Variants in GINS4 observed in about 807,000 individuals in gnomAD.
The protein encoded by GINS4 is GINS complex subunit 4, also known as DNA replication complex GINS protein SLD5.
In GINS4, 20 loss-of-function variants were observed where a neutral mutation model predicts 31.1. The ratio of observed to expected loss-of-function variants is 0.64; its 90% CI spans 0.45 to 0.93. GINS4 has a LOEUF of 0.93. GINS4 is among the 40% of genes least tolerant of loss of function. The pLI, the probability that GINS4 is intolerant of heterozygous loss-of-function variation, is 0.00. For synonymous variants in GINS4, 85 were observed against 97.9 expected, an observed-to-expected ratio of 0.87 and a Z score of 0.78; for missense variants, 245 against 273.9, an observed-to-expected ratio of 0.89 and a Z score of 0.75.
At chr8:41,529,975 C>G (rs1806625925) in intron 1 of GINS4, 1 of 495,600 alleles carries the variant, frequency 2.0e-6, no homozygotes, top group Non-Finnish European at 3.6e-6. Flanking sequence ...AAGGGGGAGG[C>G]TTGTTTGAGA....
At chr8:41,537,430 GC>G in intron 4 of GINS4, 137 bp downstream of exon 4, 1 of 617,318 alleles carries the variant, frequency 1.6e-6, no homozygotes. Context: ...TATCCATGTA[GC>G]TAAACTGTAA....
At chr8:41,540,316 C>T (rs143360742) in intron 6 of GINS4, 11 of 407,560 alleles carry the variant, frequency 2.7e-5, no homozygotes, top group East Asian at 5.6e-5. Flanking sequence ...CTGGCAGCCC[C>T]GAGTACCAGC....
chr8:41,535,375 C>G (rs1452624900), intron 2 of GINS4, among the ~76,000 whole-genome samples: 1 of 152,072 alleles, frequency 6.6e-6, no homozygotes, highest in Non-Finnish European at 1.5e-5. Context: ...TAATAAAAAT[C>G]AATCAAAAAG....
At position 41,536,444 on chromosome 8, in the gene GINS4, A is replaced by G. The variant is rs1806743086; in HGVS notation, c.181A>G (p.Met61Val). Reference sequence around the variant, plus strand: ...ATGTGTCATGGAACAGCTGGAGCACATGGTAAGAGTCGCTTGTCTTGGGTT... The same window carrying G: ...ATGTGTCATGGAACAGCTGGAGCACGTGGTAAGAGTCGCTTGTCTTGGGTT... ...VECVMEQLEHMEENLRRAKRE... is the reference protein window; with the variant it reads ...VECVMEQLEHVEENLRRAKRE... Residue 61 changes from methionine (M) to valine (V), a missense_variant and splice_region_variant, in exon 3 of 8, where the codon ATG becomes GTG. Coordinates refer to ENST00000276533, the MANE Select transcript of GINS4 (RefSeq NM_032336.3). 1.3e-6 allele frequency: 2 copies of G among 1,593,538 alleles called. No individual in the cohort carries two copies. Among genetic ancestry groups the G allele is most frequent in the Non-Finnish European group, 1.7e-6 (2 of 1,161,170 alleles).
At chr8:41,533,380 A>G (rs1389196886) in intron 2 of GINS4, among the ~76,000 whole-genome samples, 4 of 152,336 alleles carry the variant, frequency 2.6e-5, no homozygotes, top group African/African-American at 9.6e-5. Context: ...TACTTTTTCA[A>G]GTGAGCATCA....
In GINS4 at chr8:41,542,007, C is replaced by A. The variant is rs1055455430; in HGVS notation, c.592C>A (p.Leu198Met). 2 of 1,614,102 alleles carry A rather than the reference C, an allele frequency of 1.2e-6. No individual in the cohort carries two copies. The highest frequency in any genetic ancestry group is 8.5e-7 in the Non-Finnish European group (1 of 1,179,978). Reference sequence around the variant, plus strand: ...CTTTTTCAGGGACTACGTGATTGACCTGGAGAAGGGCTCACAGCACTTGAT... The same window carrying A: ...CTTTTTCAGGGACTACGTGATTGACATGGAGAAGGGCTCACAGCACTTGAT... ...TDEQRDYVID[L>M]EKGSQHLIRY... Residue 198 changes from leucine to methionine, a missense_variant, in exon 8 of 8, where the codon CTG (leucine) becomes ATG (methionine). Transcript: ENST00000276533.
rs917380492 is a variant in GINS4, at chr8:41,537,234, A to G, written c.238A>G (p.Met80Val). The G allele has an allele frequency of 3.1e-6, 5 of 1,613,900 alleles. No individual in the cohort carries two copies. Among genetic ancestry groups the G allele is most frequent in the Non-Finnish European group, 3.4e-6 (4 of 1,179,912 alleles). Residue 80 changes from methionine (M) to valine (V), a missense_variant, in exon 4 of 8, where the codon ATG becomes GTG. Transcript: ENST00000276533. ...GGACCTGAAGGTCAGCATCCACCAA[A>G]TGGAGATGGAGAGGATCCGCTACGT... ...REDLKVSIHQ[M>V]EMERIRYVLS...
rs1460776975 is a variant in GINS4 at position 41,539,719 on chromosome 8, A to G, written c.339A>G (p.Thr113=). ...FFPHVLEKEK[T]RPEGEPSSLS... is the part of the protein sequence containing the mutation. Reference sequence around the variant, plus strand: ...CTCATGTCCTTGAGAAGGAAAAAACACGTCCTGAGGGGGAGCCTTCCAGCC... The same window carrying G: ...CTCATGTCCTTGAGAAGGAAAAAACGCGTCCTGAGGGGGAGCCTTCCAGCC... Residue 113 remains threonine, a synonymous_variant, in exon 5 of 8, where the codon ACA becomes ACG. Coordinates refer to ENST00000276533, the MANE Select transcript of GINS4 (RefSeq NM_032336.3). The G allele has an allele frequency of 2.5e-6, 4 of 1,614,084 alleles. No individual in the cohort carries two copies. In the African/African-American group the frequency reaches 5.3e-5, roughly 22 times the overall value.
At chr8:41,532,595 G>A (rs1806665049) in intron 2 of GINS4, among the ~76,000 whole-genome samples, 1 of 152,136 alleles carries the variant, frequency 6.6e-6, no homozygotes, top group South Asian at 2.1e-4. Flanking sequence ...AGCACTTTGG[G>A]AGACCGAGAG....
chr8:41,537,902 T>C (rs1204462309), intron 4 of GINS4: 1 of 151,738 alleles, frequency 6.6e-6, no homozygotes, highest in African/African-American at 2.4e-5. Flanking sequence ...GCGCCTGTAG[T>C]CCCAGCTACT....
In GINS4 at chr8:41,537,297, T is replaced by C. The variant is rs1407190921; in HGVS notation, c.297+4T>C. 1.3e-6 allele frequency: 2 copies of C among 1,590,854 alleles called. No homozygotes were observed. The highest frequency in any genetic ancestry group is 2.2e-5 in the East Asian group (1 of 44,718). ...CTTGCGGTGTCGCCTCATGAAGGTT[T>C]GACGTGGAGATACCTGGAGGGATTG... is the stretch of plus-strand genomic sequence containing the variant. On this transcript the variant is annotated splice_donor_region_variant and intron_variant, in intron 4 of 7. Coordinates refer to ENST00000276533, the MANE Select transcript of GINS4 (RefSeq NM_032336.3).
At chr8:41,537,115 C>A in intron 3 of GINS4, 65 bp from the exon 4 acceptor site, 1 of 1,004,642 alleles carries the variant, frequency 1.0e-6, no homozygotes, top group Non-Finnish European at 1.6e-6. Flanking sequence ...TCTGGGTCCT[C>A]AACGTTGCCG....
At chr8:41,540,941 CT>C (rs763167656) in intron 6 of GINS4, among the ~76,000 whole-genome samples, 3 of 152,168 alleles carry the variant, frequency 2.0e-5, no homozygotes, top group Non-Finnish European at 4.4e-5. Flanking sequence ...TAGATGGCGC[CT>C]TCCATATGTC....
rs1332648703 is a variant in GINS4 at position 41,543,443 on chromosome 8, T to A, written c.*1356T>A. 1 of 152,202 alleles carries A rather than the reference T, an allele frequency of 6.6e-6. No homozygotes were observed. Among genetic ancestry groups the A allele is most frequent in the Non-Finnish European group, 1.5e-5 (1 of 68,040 alleles). The allele number at this position is 152,202 out of a possible 1,614,324, so 9.4% of individuals were successfully genotyped here. On this transcript the variant is annotated 3_prime_UTR_variant, in exon 8 of 8. Coordinates refer to ENST00000276533, the MANE Select transcript of GINS4 (RefSeq NM_032336.3). ...TGTGACCTGTGGCCGCTTTTCTGGT[T>A]TAAGTCCTTCACTTTTTCAAGAGGA...
chr8:41,541,639 G>A (rs973764567), intron 6 of GINS4, among the ~76,000 whole-genome samples, 170 bp from the exon 7 acceptor site: 1 of 152,142 alleles, frequency 6.6e-6, no homozygotes, highest in Non-Finnish European at 1.5e-5. Flanking sequence ...GGCCCAATGC[G>A]TGTCCGGTTT....
At chr8:41,536,826 G>A (rs1279094973) in intron 3 of GINS4, among the ~76,000 whole-genome samples, 3 of 152,168 alleles carry the variant, frequency 2.0e-5, no homozygotes, top group Non-Finnish European at 4.4e-5. Context: ...TAGATGATCT[G>A]AGCATAAATC....
Position 41,543,510 on chromosome 8 carries a change from CG to C in GINS4, c.*1425del, listed in dbSNP as rs1372228691. On this transcript the variant is annotated 3_prime_UTR_variant, in exon 8 of 8. Coordinates refer to ENST00000276533, the MANE Select transcript of GINS4 (RefSeq NM_032336.3). ...TGCATGCAGAGTCTCACAGTGATGC[CG>C]GAAGGAAGGATGTATAGGCAGTGAA... 1 of 152,082 alleles carries C rather than the reference CG, an allele frequency of 6.6e-6. No individual in the cohort carries two copies. Among genetic ancestry groups the C allele is most frequent in the Non-Finnish European group, 1.5e-5 (1 of 68,004 alleles). The allele number at this position is 152,082 out of a possible 1,614,324, so 9.4% of individuals were successfully genotyped here. A position where few individuals can be genotyped will look rare whatever the true frequency, so the allele number is the denominator to read the frequency against.
chr8:41,532,961 G>T (rs1157448780), intron 2 of GINS4, among the ~76,000 whole-genome samples: 1 of 152,106 alleles, frequency 6.6e-6, no homozygotes, highest in Admixed American at 6.6e-5. Flanking sequence ...CATACCTGCG[G>T]CCCAGTAGTT....
chr8:41,542,392 A>AAT lies in GINS4; in HGVS notation c.*305_*306insAT. The AAT allele has an allele frequency of 2.6e-6, 1 of 377,372 alleles. No homozygotes were observed. Among genetic ancestry groups the AAT allele is most frequent in the Non-Finnish European group, 4.9e-6 (1 of 203,648 alleles). The allele number at this position is 377,372 out of a possible 1,614,324, so 23.4% of individuals were successfully genotyped here. On this transcript the variant is annotated 3_prime_UTR_variant, in exon 8 of 8. Coordinates refer to ENST00000276533, the MANE Select transcript of GINS4 (RefSeq NM_032336.3). ...GTGAGACTTTGTCTCAAAAAAAAAA[A>AAT]CAAAAAACAAAAAAAAAACAAACTA... is the stretch of plus-strand genomic sequence containing the variant.
Sources: gnomAD v4.1 joint callset for allele counts (sites outside exome capture counted in the v4.1 genomes callset) on GRCh38, gnomAD v4.1.1 for gene constraint, MANE v1.5 for transcripts, NCBI Gene and HGNC (gene_info 2026-07-23, HGNC 2026-07-21) for gene names.